The following DMD variants were observed in gnomAD, a reference collection of about 807,000 sequenced individuals.
DMD encodes the protein dystrophin, also known as mutant dystrophin.
DMD carries 63 observed loss-of-function variants against 330.1 expected under a neutral mutation model. The observed-to-expected ratio is 0.19, with a 90% CI of 0.16 to 0.24. DMD has a LOEUF of 0.24. Among genes scored for constraint, DMD ranks in the 10% least tolerant of loss-of-function variants. DMD has a pLI of 1.00. For synonymous variants in DMD, 1,223 were observed against 959.8 expected (o/e 1.27, Z -5.07); for missense variants, 3,344 against 2,684.1 (o/e 1.25, Z -5.43).
At chrX:32,394,115 G>T (rs2098023335) in intron 30 of DMD, among the ~76,000 whole-genome samples, 1 of 66,718 alleles carries the variant, frequency 1.5e-5, no homozygotes, top group African/African-American at 5.4e-5. Context: ...CACATAAAGT[G>T]ATTTTTTTTA....
At chrX:32,791,382 A>G (rs1381070172) in intron 7 of DMD, among the ~76,000 whole-genome samples, 1 of 111,613 alleles carries the variant, frequency 9.0e-6, no homozygotes, top group Non-Finnish European at 1.9e-5. Flanking sequence ...GCCAATGTAC[A>G]CAGCTCTGAG....
intron 2 of DMD, among the ~76,000 whole-genome samples, chrX:32,934,539 A>T (rs1399944173): frequency 9.0e-6 from 1 of 111,187 alleles, no homozygotes; most frequent in African/African-American, 3.3e-5. Flanking sequence ...AAATAGAAAA[A>T]AGCATGCTAC....
At chrX:32,593,775 A>G (rs1297110486) in intron 13 of DMD, among the ~76,000 whole-genome samples, 1 of 112,483 alleles carries the variant, frequency 8.9e-6, no homozygotes, top group Non-Finnish European at 1.9e-5. Flanking sequence ...ATAAATGACC[A>G]ATTTTAGTTA....
At chrX:32,414,479 A>C (rs1339960770) in intron 29 of DMD, among the ~76,000 whole-genome samples, 1 of 111,937 alleles carries the variant, frequency 8.9e-6, no homozygotes, top group Admixed American at 9.5e-5. Flanking sequence ...GTGCCATAAC[A>C]TATTTAATCT....
intron 51 of DMD, among the ~76,000 whole-genome samples, chrX:31,759,110 T>C (rs1425972488): frequency 9.0e-6 from 1 of 111,347 alleles, no homozygotes; most frequent in South Asian, 3.7e-4. Context: ...ACAAAGCTCA[T>C]GCTATTTCTA....
At chrX:31,344,207 T>C (rs1256650799) in intron 61 of DMD, among the ~76,000 whole-genome samples, 1 of 111,431 alleles carries the variant, frequency 9.0e-6, no homozygotes, top group Non-Finnish European at 1.9e-5. Flanking sequence ...TAGAGGTAAG[T>C]TTGGCAATAC....
At chrX:32,239,422 T>A (rs992740731) in intron 43 of DMD, among the ~76,000 whole-genome samples, 4 of 111,914 alleles carry the variant, frequency 3.6e-5, no homozygotes, top group Non-Finnish European at 5.6e-5. Flanking sequence ...AGATTTCCCG[T>A]ATACTCTCTG....
At chrX:32,600,608 A>G (rs1398852825) in intron 12 of DMD, among the ~76,000 whole-genome samples, 2 of 107,636 alleles carry the variant, frequency 1.9e-5, no homozygotes, top group East Asian at 2.9e-4. Context: ...GCACACACAC[A>G]CACACACACA....
intron 1 of DMD, among the ~76,000 whole-genome samples, chrX:33,184,492 T>G (rs1008751244): frequency 9.0e-6 from 1 of 111,102 alleles, no homozygotes; most frequent in Non-Finnish European, 1.9e-5. Flanking sequence ...CTGTTCTACC[T>G]CTACAAAAAG....
At chrX:31,922,540 TA>T (rs781466479) in intron 47 of DMD, among the ~76,000 whole-genome samples, 33 of 89,262 alleles carry the variant, frequency 3.7e-4, no homozygotes, top group Non-Finnish European at 6.3e-4. Flanking sequence ...GCGCGTGCGC[TA>T]GGGGGGTGCA....
chrX:32,783,000 T>C (rs1161004922), intron 7 of DMD, among the ~76,000 whole-genome samples: 5 of 103,809 alleles, frequency 4.8e-5, no homozygotes, highest in East Asian at 3.1e-4. Context: ...TGTGTATATA[T>C]ACACACACAC....
chrX:33,299,968 C>G (rs1438839650), intron 1 of DMD, among the ~76,000 whole-genome samples: 1 of 111,516 alleles, frequency 9.0e-6, no homozygotes, highest in Non-Finnish European at 1.9e-5. Flanking sequence ...TAAACTGTAT[C>G]CACTAGAGAC....
At chrX:32,996,781 C>T in intron 2 of DMD, among the ~76,000 whole-genome samples, 1 of 108,331 alleles carries the variant, frequency 9.2e-6, no homozygotes, top group Non-Finnish European at 1.9e-5. Flanking sequence ...AGTGCCATTG[C>T]ACTCCACCTT....
chrX:32,215,319 A>G (rs1054099519), intron 44 of DMD, among the ~76,000 whole-genome samples: 1 of 111,401 alleles, frequency 9.0e-6, no homozygotes, highest in Non-Finnish European at 1.9e-5. Flanking sequence ...AATTTGATGA[A>G]ATGTTAAATG....
intron 74 of DMD, among the ~76,000 whole-genome samples, chrX:31,168,029 G>C (rs1159517256): frequency 1.8e-5 from 2 of 112,111 alleles, no homozygotes; most frequent in African/African-American, 6.5e-5. Flanking sequence ...GGATCTAGCA[G>C]GGCTCCATGG....
At chrX:31,368,123 C>G (rs2059355210) in intron 60 of DMD, among the ~76,000 whole-genome samples, 1 of 111,537 alleles carries the variant, frequency 9.0e-6, no homozygotes, top group Non-Finnish European at 1.9e-5. Flanking sequence ...GCTTTCTGTT[C>G]TAGGTTCCCC....
intron 1 of DMD, among the ~76,000 whole-genome samples, chrX:33,027,829 T>C (rs1444889231): frequency 9.0e-6 from 1 of 111,454 alleles, no homozygotes; most frequent in East Asian, 2.8e-4. Flanking sequence ...GAGAGACAAG[T>C]GGTAGAAAAG....
At chrX:32,853,402 AAGACAT>A (rs944649727) in intron 2 of DMD, among the ~76,000 whole-genome samples, 1 of 112,140 alleles carries the variant, frequency 8.9e-6, no homozygotes. Context: ...TAATAACTTT[AAGACAT>A]AGACAGTATA....
chrX:32,389,780 A>C, intron 31 of DMD, 106 bp from the exon 32 acceptor site: 1 of 792,465 alleles, frequency 1.3e-6, no homozygotes, highest in Non-Finnish European at 1.9e-6. Flanking sequence ...ATATACAGAA[A>C]AATAAAAACA....
Sources: allele counts gnomAD v4.1 joint callset (sites outside exome capture counted in the v4.1 genomes callset), GRCh38; gene constraint gnomAD v4.1.1; transcripts MANE v1.5; gene names NCBI Gene and HGNC (gene_info 2026-07-23, HGNC 2026-07-21).